Variants in SMG9 observed in about 807,000 individuals in gnomAD.
SMG9 encodes nonsense-mediated mRNA decay factor SMG9.
SMG9 carries 55 observed loss-of-function variants against 64.0 expected under a neutral mutation model. The ratio of observed to expected loss-of-function variants is 0.86; its 90% confidence interval spans 0.69 to 1.08. SMG9 has a LOEUF of 1.08. SMG9 is among the 50% of genes least tolerant of loss of function. The probability of loss-of-function intolerance (pLI) is 0.00; values close to 1 mark genes in which losing one functional copy is unlikely to be tolerated. For missense variants in SMG9, 554 were observed against 681.3 expected, an observed-to-expected ratio of 0.81 and a Z score of 2.08; for synonymous variants, 244 against 254.8, an observed-to-expected ratio of 0.96 and a Z score of 0.41.
At chr19:43,746,950 T>C (rs1373205926) in intron 5 of SMG9, among the ~76,000 whole-genome samples, 1 of 151,980 alleles carries the variant, frequency 6.6e-6, no homozygotes, top group Non-Finnish European at 1.5e-5. Context: ...GCCTCCTGAG[T>C]GGCCTGGATG....
At chr19:43,752,349 T>C (rs1969216164) in intron 1 of SMG9, among the ~76,000 whole-genome samples, 1 of 152,246 alleles carries the variant, frequency 6.6e-6, no homozygotes, top group African/African-American at 2.4e-5. Context: ...TCTAGGGTGG[T>C]ATTTGACTAC....
chr19:43,745,698 C>A (rs886648614), intron 5 of SMG9, among the ~76,000 whole-genome samples: 8 of 152,138 alleles, frequency 5.3e-5, no homozygotes, highest in African/African-American at 1.9e-4. Context: ...GAAACTCCGT[C>A]TCTACCAAAA....
intron 7 of SMG9, among the ~76,000 whole-genome samples, chr19:43,738,866 G>T (rs1238400164): frequency 6.6e-6 from 1 of 152,180 alleles, no homozygotes; most frequent in Non-Finnish European, 1.5e-5. Context: ...GACCACAGCC[G>T]GTTTGGTTTG....
chr19:43,745,003 C>T lies in SMG9; in HGVS notation c.589-119G>A, dbSNP rs1490584266. 7 of 646,324 alleles carry T rather than the reference C, an allele frequency of 1.1e-5. No individual in the cohort carries two copies. The African/African-American group carries it at 1.1e-4, about 10-fold the overall frequency. 40.0% of individuals were successfully genotyped at this position (646,324 alleles called of 1,614,324 possible). On this transcript the variant is annotated intron_variant, in intron 5 of 13. Transcript: ENST00000270066. ...CTGCCTTATCATATATGAAGAGAAA[C>T]TCCTATAGTCCCAACCCCTTCAACT... is the stretch of plus-strand genomic sequence containing the variant.
chr19:43,734,836 C>T (rs1968605649), intron 9 of SMG9: 1 of 204,496 alleles, frequency 4.9e-6, no homozygotes, highest in Non-Finnish European at 9.9e-6. Context: ...CTATCAACAT[C>T]TCCAACCTGA....
At chr19:43,745,409 C>G (rs1968969052) in intron 5 of SMG9, among the ~76,000 whole-genome samples, 1 of 152,046 alleles carries the variant, frequency 6.6e-6, no homozygotes, top group Non-Finnish European at 1.5e-5. Context: ...GATTTAAGAG[C>G]CCCTCTGGAA....
intron 2 of SMG9, among the ~76,000 whole-genome samples, chr19:43,749,139 G>C (rs1452037427): frequency 5.3e-5 from 8 of 152,206 alleles, no homozygotes. Context: ...GAGCACTTCG[G>C]ATATTCAGTC....
In SMG9 at chr19:43,729,024, C is replaced by A; in HGVS notation, c.*2572G>T. 1 of 985,642 alleles carries A rather than the reference C, an allele frequency of 1.0e-6. No individual in the cohort carries two copies. Among genetic ancestry groups the A allele is most frequent in the Non-Finnish European group, 1.2e-6 (1 of 830,102 alleles). The allele number at this position is 985,642 out of a possible 1,614,324, so 61.1% of individuals were successfully genotyped here. A position where few individuals can be genotyped will look rare whatever the true frequency, so the allele number is the denominator to read the frequency against. On this transcript the variant is annotated 3_prime_UTR_variant, in exon 14 of 14. Transcript: ENST00000270066. ...TCTAGCTGGTGTCCACAGTGGCCTG[C>A]TGGCAGCATCAGCCTGAGTCCTCTG...
Position 43,728,502 on chromosome 19 carries a change from G to T in SMG9, c.*3094C>A, listed in dbSNP as rs1443584515. On this transcript the variant is annotated 3_prime_UTR_variant, in exon 14 of 14. Transcript: ENST00000270066. ...TTCTTTATAAATTACCCAGTCTCAG[G>T]TATTTCCTTACAGCAATGCAAGAAC... The T allele has an allele frequency of 6.6e-6, 1 of 152,256 alleles. No homozygotes were observed. Among genetic ancestry groups the T allele is most frequent in the Non-Finnish European group, 1.5e-5 (1 of 68,100 alleles). The allele number at this position is 152,256 out of a possible 1,614,324, so 9.4% of individuals were successfully genotyped here.
chr19:43,750,013 C>T (rs1969144314), intron 2 of SMG9, among the ~76,000 whole-genome samples: 1 of 152,236 alleles, frequency 6.6e-6, no homozygotes, highest in Non-Finnish European at 1.5e-5. Context: ...AAAGACTTTG[C>T]ACAGTGCAAG....
chr19:43,749,205 C>A (rs1373572509), intron 2 of SMG9, among the ~76,000 whole-genome samples: 1 of 152,052 alleles, frequency 6.6e-6, no homozygotes. Context: ...TATAACCAGG[C>A]GGCAGAATGT....
rs1968356433 is a variant in SMG9 at position 43,727,991 on chromosome 19, A to G, written c.*3605T>C. 6.6e-6 allele frequency: 1 copy of G among 152,160 alleles called. No individual in the cohort carries two copies. Among genetic ancestry groups the G allele is most frequent in the Non-Finnish European group, 1.5e-5 (1 of 68,026 alleles). 9.4% of individuals were successfully genotyped at this position (152,160 alleles called of 1,614,324 possible). ...GAGACCAATCGCTTGCATTAAGGAG[A>G]AAGAGTATGTATTGGCTCATTTATT... On this transcript the variant is annotated 3_prime_UTR_variant, in exon 14 of 14. Coordinates refer to ENST00000270066, the MANE Select transcript of SMG9 (RefSeq NM_019108.4).
At chr19:43,753,463 T>TC (rs1467760107) in intron 1 of SMG9, among the ~76,000 whole-genome samples, 1 of 146,218 alleles carries the variant, frequency 6.8e-6, no homozygotes, top group African/African-American at 2.5e-5. Flanking sequence ...CTTTTCTTTT[T>TC]TTTTTTTTTT....
At chr19:43,740,246 T>C in intron 6 of SMG9, 28 bp from the exon 7 acceptor site, 1 of 1,508,876 alleles carries the variant, frequency 6.6e-7, no homozygotes, top group Non-Finnish European at 9.2e-7. Context: ...CAGGGGTGTG[T>C]GAGAGCTCTG....
intron 1 of SMG9, among the ~76,000 whole-genome samples, chr19:43,751,786 C>A (rs1011416332): frequency 1.3e-5 from 2 of 152,086 alleles, no homozygotes; most frequent in African/African-American, 2.4e-5. Context: ...ATGGAAGGTA[C>A]AATAAAACAA....
rs1969167544 is a variant in SMG9, at chr19:43,750,676, C to T, written c.66G>A (p.Glu22=). The change falls in exon 2 of 14, where the codon GAG becomes GAA. Residue 22 remains glutamate (E), a synonymous_variant. Transcript: ENST00000270066. ...YGIERRRRWK[E]PGSGGPQNLS... ...GATTCTGGGGGCCACCAGAGCCAGG[C>T]TCCTTCCACCGTCGCCGCCGCTCTA... 6.2e-7 allele frequency: 1 copy of T among 1,614,108 alleles called. No individual in the cohort carries two copies. The highest frequency in any genetic ancestry group is 8.5e-7 in the Non-Finnish European group (1 of 1,180,024).
intron 5 of SMG9, 60 bp from the exon 6 acceptor site, chr19:43,744,944 G>A (rs900377380): frequency 1.5e-5 from 20 of 1,345,662 alleles, no homozygotes; most frequent in Non-Finnish European, 1.7e-5. Flanking sequence ...CTGGAATGAG[G>A]GGGGGACTCC....
chr19:43,733,181 A>G, intron 12 of SMG9, 143 bp downstream of exon 12: 2 of 1,365,620 alleles, frequency 1.5e-6, no homozygotes, highest in South Asian at 2.8e-5. Flanking sequence ...GGAACAAACC[A>G]GGATCTTCTC....
chr19:43,743,750 C>T (rs1479086090), intron 6 of SMG9, among the ~76,000 whole-genome samples: 1 of 152,132 alleles, frequency 6.6e-6, no homozygotes. Context: ...GGGCTATGAT[C>T]GTGCCATTGC....
Sources: gnomAD v4.1 joint callset for allele counts (sites outside exome capture counted in the v4.1 genomes callset) on GRCh38, gnomAD v4.1.1 for gene constraint, MANE v1.5 for transcripts, NCBI Gene and HGNC (gene_info 2026-07-23, HGNC 2026-07-21) for gene names.